The following CNTLN variants were observed in gnomAD, a reference collection of about 807,000 sequenced individuals.
CNTLN encodes centlein.
Under a neutral mutation model 180.0 loss-of-function variants are expected in CNTLN, and 212 were observed. The observed-to-expected ratio is 1.18, with a 90% CI of 1.05 to 1.32. The LOEUF is 1.32. CNTLN is among the 40% of genes most tolerant of loss of function. The probability of loss-of-function intolerance (pLI) is 0.00; values close to 1 mark genes in which losing one functional copy is unlikely to be tolerated. For synonymous variants in CNTLN, 722 were observed against 563.1 expected (o/e 1.28, Z -3.99); for missense variants, 2,095 against 1,610.9 (o/e 1.30, Z -5.14).
At chr9:17,139,222 G>C (rs1036324445) in intron 1 of CNTLN, among the ~76,000 whole-genome samples, 1 of 151,888 alleles carries the variant, frequency 6.6e-6, no homozygotes, top group Non-Finnish European at 1.5e-5. Context: ...TGAGTAGCTG[G>C]GATTACAGGT....
intron 2 of CNTLN, among the ~76,000 whole-genome samples, chr9:17,181,691 G>A (rs2779761): frequency 0.32 from 48,454 of 152,066 alleles, 9,716 homozygotes; most frequent in African/African-American, 0.56. Flanking sequence ...TATCAGAGGA[G>A]GAGTTAGCCC....
At chr9:17,526,743 AAATT>A in the CNTLN span, among the ~76,000 whole-genome samples, 82,348 of 151,710 alleles carry the variant, frequency 0.54, 25,659 homozygotes, top group East Asian at 0.86. Context: ...ACATGTAAAA[AAATT>A]AATTAATTTA....
intron 2 of CNTLN, among the ~76,000 whole-genome samples, chr9:17,170,869 A>G (rs1820379895): frequency 1.3e-5 from 2 of 151,788 alleles, no homozygotes; most frequent in African/African-American, 2.4e-5. Flanking sequence ...TACTTTTTCT[A>G]TGTTTAGATA....
Position 17,438,472 on chromosome 9 carries a change from A to C in CNTLN, c.3115-19052A>C, listed in dbSNP as rs889123754. Among the ~76,000 whole-genome samples, 12 of 152,168 alleles carry C rather than the reference A, an allele frequency of 7.9e-5. 1 individual carries two copies. Among genetic ancestry groups the C allele is most frequent in the Non-Finnish European group, 1.6e-4 (11 of 68,018 alleles). ...TTTTAACAAAGTGAGTAGAAAGTTG[A>C]TGATAGAAGAATTGTATTTGTGACA... On this transcript the variant is annotated intron_variant, in intron 18 of 25. Coordinates refer to ENST00000380647, the MANE Select transcript of CNTLN (RefSeq NM_017738.4).
At chr9:17,398,382 C>T (rs1826697756) in intron 15 of CNTLN, among the ~76,000 whole-genome samples, 1 of 151,910 alleles carries the variant, frequency 6.6e-6, no homozygotes, top group South Asian at 2.1e-4. Context: ...GGCTTCAAAG[C>T]AGTATTTTTA....
chr9:17,302,220 A>C (rs1434263728), intron 7 of CNTLN, among the ~76,000 whole-genome samples: 1 of 148,706 alleles, frequency 6.7e-6, no homozygotes, highest in Non-Finnish European at 1.5e-5. Flanking sequence ...TTTTTTTGAC[A>C]GTGTCTCACT....
intron 2 of CNTLN, among the ~76,000 whole-genome samples, chr9:17,221,903 A>G (rs750460298): frequency 8.0e-4 from 121 of 152,072 alleles, no homozygotes; most frequent in Non-Finnish European, 1.6e-3. Flanking sequence ...CTACCAACAT[A>G]TCTGAATCTG....
intron 2 of CNTLN, among the ~76,000 whole-genome samples, chr9:17,161,328 T>C (rs1819663885): frequency 6.6e-6 from 1 of 152,190 alleles, no homozygotes; most frequent in Non-Finnish European, 1.5e-5. Context: ...ATATATCATT[T>C]GTTTATTAGC....
At chr9:17,314,216 C>T (rs1046264002) in intron 8 of CNTLN, among the ~76,000 whole-genome samples, 1 of 152,022 alleles carries the variant, frequency 6.6e-6, no homozygotes, top group Non-Finnish European at 1.5e-5. Flanking sequence ...CCTTTAAAAT[C>T]CGTATTTTCC....
chr9:17,470,833 A>G (rs138201746), intron 23 of CNTLN, among the ~76,000 whole-genome samples: 239 of 152,200 alleles, frequency 1.6e-3, no homozygotes, highest in African/African-American at 4.9e-3. Context: ...AAATGGTTTC[A>G]TTATCAATAT....
chr9:17,473,602 A>C (rs902966184), intron 23 of CNTLN, among the ~76,000 whole-genome samples: 4 of 149,230 alleles, frequency 2.7e-5, no homozygotes, highest in South Asian at 2.1e-4. Flanking sequence ...CAAAAAAAAA[A>C]AAAACAAAAC....
chr9:17,499,070 T>A (rs752205408), intron 25 of CNTLN, among the ~76,000 whole-genome samples: 39 of 152,184 alleles, frequency 2.6e-4, no homozygotes, highest in Non-Finnish European at 4.9e-4. Flanking sequence ...GTTCTTAGTG[T>A]TTTTAAAACA....
chr9:17,347,530 G>A (rs1054626426), intron 12 of CNTLN, among the ~76,000 whole-genome samples: 1 of 152,020 alleles, frequency 6.6e-6, no homozygotes, highest in African/African-American at 2.4e-5. Context: ...TTAGCCAGGT[G>A]TGGTGGCGCA....
chr9:17,291,987 A>C (rs1166976834), intron 6 of CNTLN, among the ~76,000 whole-genome samples: 1 of 151,988 alleles, frequency 6.6e-6, no homozygotes, highest in Non-Finnish European at 1.5e-5. Context: ...CTTGCAAGGT[A>C]GGCCTGGTGG....
At chr9:17,299,441 C>T (rs2132808616) in intron 7 of CNTLN, 3 of 975,948 alleles carry the variant, frequency 3.1e-6, no homozygotes, top group Non-Finnish European at 3.7e-6. Context: ...ATTTTTACTT[C>T]TGATCTTACT....
At chr9:17,138,593 A>G (rs1040355307) in intron 1 of CNTLN, among the ~76,000 whole-genome samples, 7 of 152,210 alleles carry the variant, frequency 4.6e-5, no homozygotes, top group African/African-American at 1.7e-4. Context: ...TTGTAGCTGT[A>G]TTCTACTTGG....
At chr9:17,162,004 C>G (rs1304709414) in intron 2 of CNTLN, among the ~76,000 whole-genome samples, 3 of 152,154 alleles carry the variant, frequency 2.0e-5, no homozygotes, top group Non-Finnish European at 4.4e-5. Flanking sequence ...GGGCAGTGAT[C>G]TCAGTATGGT....
intron 2 of CNTLN, among the ~76,000 whole-genome samples, chr9:17,181,372 G>A (rs749884837): frequency 2.4e-4 from 37 of 152,206 alleles, no homozygotes; most frequent in Admixed American, 2.4e-3. Flanking sequence ...TTGTTTTTTC[G>A]TTGTATCTTC....
chr9:17,290,378 A>G (rs1253939012), intron 6 of CNTLN, among the ~76,000 whole-genome samples: 2 of 149,544 alleles, frequency 1.3e-5, no homozygotes, highest in Non-Finnish European at 3.0e-5. Flanking sequence ...TCAGATCTCC[A>G]GCTGCGTGCT....
Sources: gnomAD v4.1 joint callset for allele counts (sites outside exome capture counted in the v4.1 genomes callset) on GRCh38, gnomAD v4.1.1 for gene constraint, MANE v1.5 for transcripts, NCBI Gene and HGNC (gene_info 2026-07-23, HGNC 2026-07-21) for gene names.